Variants in DOCK11 observed in about 807,000 individuals in gnomAD.
DOCK11 encodes dedicator of cytokinesis protein 11.
A neutral mutation model predicts 169.1 loss-of-function variants in DOCK11; 70 were observed. The observed-to-expected ratio is 0.41, with a 90% CI of 0.34 to 0.51. DOCK11 has a LOEUF of 0.51. Ranked by LOEUF, DOCK11 falls within the 20% of genes least tolerant of loss-of-function variation. The pLI, the probability that DOCK11 is intolerant of heterozygous loss-of-function variation, is 0.10. For synonymous variants in DOCK11, 529 were observed against 541.3 expected (o/e 0.98, Z 0.32); for missense variants, 1,166 against 1,538.8 (o/e 0.76, Z 4.05).
chrX:118,597,638 G>A, intron 21 of DOCK11, 86 bp downstream of exon 21: 1 of 1,085,457 alleles, frequency 9.2e-7, no homozygotes, highest in South Asian at 2.0e-5. Context: ...TTAGTACAAT[G>A]TTACTCAAAG....
At chrX:118,529,353 A>G (rs1569407862) in intron 1 of DOCK11, among the ~76,000 whole-genome samples, 2 of 112,263 alleles carry the variant, frequency 1.8e-5, no homozygotes. Flanking sequence ...CATATATGGC[A>G]TTGTGAATTT....
intron 38 of DOCK11, among the ~76,000 whole-genome samples, chrX:118,640,101 C>G (rs1447883815): frequency 8.9e-6 from 1 of 112,072 alleles, no homozygotes; most frequent in Non-Finnish European, 1.9e-5. Context: ...ATCGGTGAAT[C>G]CTAAATACTA....
chrX:118,673,212 G>A (rs2016527871), intron 46 of DOCK11, among the ~76,000 whole-genome samples: 1 of 112,137 alleles, frequency 8.9e-6, no homozygotes, highest in African/African-American at 3.2e-5. Flanking sequence ...TACATTAAAG[G>A]AAATGATGTT....
At chrX:118,496,561 A>G (rs758160469) in intron 1 of DOCK11, among the ~76,000 whole-genome samples, 3 of 112,431 alleles carry the variant, frequency 2.7e-5, no homozygotes, top group Non-Finnish European at 3.8e-5. Flanking sequence ...CACAAAAAAG[A>G]ACCCCACCCA....
chrX:118,600,356 G>A (rs2014295215), intron 23 of DOCK11, among the ~76,000 whole-genome samples: 2 of 107,856 alleles, frequency 1.9e-5, no homozygotes, highest in South Asian at 8.4e-4. Context: ...GCAGTGAGCT[G>A]AGATTGTGCC....
chrX:118,522,850 C>T (rs2011293874), intron 1 of DOCK11, among the ~76,000 whole-genome samples: 1 of 111,500 alleles, frequency 9.0e-6, no homozygotes, highest in East Asian at 2.8e-4. Context: ...TCACAGGTCC[C>T]GCTTACATTC....
At chrX:118,613,692 G>A (rs1483700836) in intron 28 of DOCK11, among the ~76,000 whole-genome samples, 1 of 112,322 alleles carries the variant, frequency 8.9e-6, no homozygotes, top group African/African-American at 3.2e-5. Context: ...AGTGAATGAT[G>A]GCTGAGCATG....
intron 40 of DOCK11, among the ~76,000 whole-genome samples, chrX:118,644,843 A>G (rs1378501236): frequency 8.9e-6 from 1 of 111,916 alleles, no homozygotes; most frequent in African/African-American, 3.3e-5. Context: ...GGGAAGTAAC[A>G]CAATTATATT....
At chrX:118,543,733 A>G (rs1022392020) in intron 4 of DOCK11, 140 bp downstream of exon 4, 11 of 430,926 alleles carry the variant, frequency 2.6e-5, no homozygotes, top group South Asian at 1.2e-4. Flanking sequence ...GGCAGATCAC[A>G]AGGTCAGGAG....
In DOCK11 at chrX:118,652,071, T is replaced by A. The variant is rs756156722; in HGVS notation, c.4689T>A (p.Pro1563=). The change falls in exon 42 of 53, where the codon CCT becomes CCA. Residue 1563 remains proline, a synonymous_variant. Coordinates refer to ENST00000276202, the MANE Select transcript of DOCK11 (RefSeq NM_144658.4). ...ATAATTTTGCAAATAGTGACAGACC[T>A]ATGAAGGTATGTTCTCATTTCAGAT... ...IINNFANSDR[P]MKATAFPAEV... 1.4e-5 allele frequency: 16 copies of A among 1,125,631 alleles called. No homozygotes were observed. The highest frequency in any genetic ancestry group is 1.8e-5 in the Non-Finnish European group (15 of 825,437). 92.8% of individuals were successfully genotyped at this position (1,125,631 alleles called of 1,213,427 possible). A position where few individuals can be genotyped will look rare whatever the true frequency, so the allele number is the denominator to read the frequency against.
At chrX:118,664,045 G>T (rs1156298978) in intron 45 of DOCK11, among the ~76,000 whole-genome samples, 2 of 111,020 alleles carry the variant, frequency 1.8e-5, no homozygotes, top group African/African-American at 6.6e-5. Flanking sequence ...TGATGATGTG[G>T]GAGATGTATT....
chrX:118,632,969 T>TGGGGG (rs766019635), intron 35 of DOCK11: 2 of 35,825 alleles, frequency 5.6e-5, no homozygotes, highest in Non-Finnish European at 9.1e-5. Flanking sequence ...TGGGGGGCGG[T>TGGGGG]GGGGGGGGGG....
intron 46 of DOCK11, among the ~76,000 whole-genome samples, chrX:118,672,480 C>T (rs771395627): frequency 4.7e-4 from 53 of 112,648 alleles, no homozygotes; most frequent in Non-Finnish European, 7.1e-4. Context: ...TGGCCCAGGC[C>T]GGACTGCAGT....
chrX:118,571,704 A>G (rs758522069), intron 10 of DOCK11, among the ~76,000 whole-genome samples: 71 of 112,088 alleles, frequency 6.3e-4, no homozygotes, highest in Non-Finnish European at 1.1e-3. Flanking sequence ...TGGAACATAT[A>G]TTGTGTGGGG....
chrX:118,684,347 C>T (rs763957118), intron 52 of DOCK11, among the ~76,000 whole-genome samples: 1 of 101,890 alleles, frequency 9.8e-6, no homozygotes, highest in Non-Finnish European at 2.0e-5. Context: ...TGTCAGCTCA[C>T]TGCAACCTCC....
intron 44 of DOCK11, among the ~76,000 whole-genome samples, chrX:118,659,885 C>A (rs1389789461): frequency 8.9e-6 from 1 of 112,329 alleles, no homozygotes; most frequent in Non-Finnish European, 1.9e-5. Flanking sequence ...TAAATCCCAG[C>A]ATTCTAGAAA....
chrX:118,611,410 T>G (rs2014678861), intron 28 of DOCK11, among the ~76,000 whole-genome samples: 1 of 112,275 alleles, frequency 8.9e-6, no homozygotes, highest in Non-Finnish European at 1.9e-5. Flanking sequence ...CTTATTTAAA[T>G]GGGAGCACAT....
At chrX:118,497,771 C>T (rs1393345332) in intron 1 of DOCK11, among the ~76,000 whole-genome samples, 1 of 112,380 alleles carries the variant, frequency 8.9e-6, no homozygotes, top group Non-Finnish European at 1.9e-5. Flanking sequence ...GGTTGGCTGG[C>T]CTTCTACCAC....
intron 24 of DOCK11, among the ~76,000 whole-genome samples, chrX:118,607,507 C>T (rs1219542058): frequency 2.1e-5 from 2 of 97,336 alleles, no homozygotes; most frequent in African/African-American, 3.8e-5. Context: ...CTGCAAGCTC[C>T]GCCTCCTGGG....
Sources: allele counts gnomAD v4.1 joint callset (sites outside exome capture counted in the v4.1 genomes callset), GRCh38; gene constraint gnomAD v4.1.1; transcripts MANE v1.5; gene names NCBI Gene and HGNC (gene_info 2026-07-23, HGNC 2026-07-21).